Variants in SLC14A2 observed in about 807,000 individuals in gnomAD.
The protein encoded by SLC14A2 is urea transporter 2.
SLC14A2 carries 91 observed loss-of-function variants against 104.6 expected under a neutral mutation model. That is an observed-to-expected ratio of 0.87 (90% CI 0.73 to 1.04). The LOEUF (loss-of-function observed/expected upper bound fraction) is 1.04, where lower values mean the gene tolerates loss of function less well. Ranked by LOEUF, SLC14A2 falls within the 50% of genes least tolerant of loss-of-function variation. The pLI, the probability that SLC14A2 is intolerant of heterozygous loss-of-function variation, is 0.00. For synonymous variants in SLC14A2, 476 were observed against 466.4 expected (o/e 1.02, Z -0.27); for missense variants, 1,189 against 1,156.0 (o/e 1.03, Z -0.41).
chr18:45,193,042 T>C, the SLC14A2 span, among the ~76,000 whole-genome samples: 4 of 152,234 alleles, frequency 2.6e-5, no homozygotes, highest in African/African-American at 7.2e-5. Context: ...TTTTGTCTTC[T>C]TTGGTAAAAT....
In SLC14A2 at chr18:45,682,224, C is replaced by T. The variant is rs887553596; in HGVS notation, c.2563-95C>T. 34 of 1,077,498 alleles carry T rather than the reference C, an allele frequency of 3.2e-5. No individual in the cohort carries two copies. In the Admixed American group the frequency reaches 3.6e-4, roughly 11 times the overall value. The allele number at this position is 1,077,498 out of a possible 1,614,324, so 66.7% of individuals were successfully genotyped here. A position where few individuals can be genotyped will look rare whatever the true frequency, so the allele number is the denominator to read the frequency against. ...AGTATCAATGCCCTCAAAGCAGTCC[C>T]TCATGTCCCCAGGGCTGTAGGTGAT... On this transcript the variant is annotated intron_variant, in intron 19 of 19. Transcript: ENST00000255226.
the SLC14A2 span, among the ~76,000 whole-genome samples, chr18:45,187,042 A>G: frequency 4.6e-5 from 7 of 152,156 alleles, no homozygotes; most frequent in African/African-American, 1.7e-4. Context: ...GGTTTTCAGA[A>G]ATTACTGTTG....
chr18:45,654,845 G>C (rs772734434), intron 10 of SLC14A2, among the ~76,000 whole-genome samples: 1 of 152,104 alleles, frequency 6.6e-6, no homozygotes, highest in African/African-American at 2.4e-5. Flanking sequence ...GAGCCTTCTC[G>C]TTATTTGTCA....
Position 45,668,477 on chromosome 18 carries a change from G to C in SLC14A2, c.2036G>C (p.Cys679Ser), listed in dbSNP as rs780718414. The change falls in exon 15 of 20, where the codon TGC becomes TCC. Residue 679 changes from cysteine (C) to serine (S), a missense_variant and splice_region_variant. By Grantham distance (112) the Cys-to-Ser change is moderately radical (BLOSUM62 -1). Coordinates refer to ENST00000255226, the MANE Select transcript of SLC14A2 (RefSeq NM_007163.4). The part of the protein sequence containing the change: ...LLPVIIMSMS[C>S]PILSSALGTI... ...CCCGTCATCATCATGTCCATGTCTT[G>C]GTAAGTTTGCTTTTGAAGGGTTGTG... 6.2e-7 allele frequency: 1 copy of C among 1,614,060 alleles called. No individual in the cohort carries two copies. Among genetic ancestry groups the C allele is most frequent in the South Asian group, 1.1e-5 (1 of 91,074 alleles).
At chr18:45,583,354 A>C (rs1408814232) in intron 2 of SLC14A2, among the ~76,000 whole-genome samples, 2 of 152,168 alleles carry the variant, frequency 1.3e-5, no homozygotes, top group Admixed American at 1.3e-4. Flanking sequence ...CTGCCCCTGC[A>C]TCTCACCCTC....
chr18:45,479,793 G>A (rs1367046235), intron 1 of SLC14A2, among the ~76,000 whole-genome samples: 1 of 152,160 alleles, frequency 6.6e-6, no homozygotes, highest in Non-Finnish European at 1.5e-5. Context: ...GTTTTGGTAA[G>A]GAATGGAAAT....
chr18:45,568,815 C>A (rs979404815), intron 2 of SLC14A2, among the ~76,000 whole-genome samples: 1 of 152,144 alleles, frequency 6.6e-6, no homozygotes, highest in Non-Finnish European at 1.5e-5. Flanking sequence ...TGCAGCATAA[C>A]CTAACCTATC....
chr18:45,409,051 AC>A (rs1458504650), intron 1 of SLC14A2, among the ~76,000 whole-genome samples: 2 of 152,178 alleles, frequency 1.3e-5, no homozygotes, highest in East Asian at 3.9e-4. Context: ...TGTGTGTCAA[AC>A]ATTTGTCTGA....
chr18:45,412,473 A>G (rs1365145709), intron 1 of SLC14A2, among the ~76,000 whole-genome samples: 2 of 152,132 alleles, frequency 1.3e-5, no homozygotes, highest in Non-Finnish European at 2.9e-5. Context: ...TCTTGGCTCA[A>G]ACTGGGGACT....
intron 1 of SLC14A2, among the ~76,000 whole-genome samples, chr18:45,322,563 G>A (rs757586726): frequency 2.6e-5 from 4 of 152,118 alleles, no homozygotes; most frequent in African/African-American, 4.8e-5. Context: ...AGGTAGATTC[G>A]CAACACATCA....
At chr18:45,549,460 A>G (rs11877132) in intron 2 of SLC14A2, among the ~76,000 whole-genome samples, 16,940 of 152,264 alleles carry the variant, frequency 0.11, 1,019 homozygotes, top group East Asian at 0.19. Context: ...TTCCCCAGAC[A>G]GGAGACAGCT....
chr18:45,477,923 A>C (rs985582053), intron 1 of SLC14A2, among the ~76,000 whole-genome samples: 4 of 152,178 alleles, frequency 2.6e-5, no homozygotes, highest in Non-Finnish European at 5.9e-5. Flanking sequence ...GCTGGGCTCC[A>C]TAGGGGTGGG....
At chr18:45,660,812 A>C (rs1567998521) in intron 10 of SLC14A2, among the ~76,000 whole-genome samples, 1 of 152,240 alleles carries the variant, frequency 6.6e-6, no homozygotes, top group Non-Finnish European at 1.5e-5. Flanking sequence ...CCACGATGAA[A>C]GTCCTAAGAA....
chr18:45,223,066 G>A (rs980508788), intron 1 of SLC14A2, among the ~76,000 whole-genome samples: 1 of 152,172 alleles, frequency 6.6e-6, no homozygotes, highest in Admixed American at 6.5e-5. Flanking sequence ...TATATGCCAC[G>A]TACTCTATGC....
At chr18:45,557,775 C>T (rs2044151373) in intron 2 of SLC14A2, among the ~76,000 whole-genome samples, 1 of 152,126 alleles carries the variant, frequency 6.6e-6, no homozygotes, top group South Asian at 2.1e-4. Context: ...TTGCAAGGAG[C>T]CTAGCCATAG....
At chr18:45,369,966 A>G (rs2085705163) in intron 1 of SLC14A2, among the ~76,000 whole-genome samples, 1 of 152,174 alleles carries the variant, frequency 6.6e-6, no homozygotes, top group African/African-American at 2.4e-5. Context: ...GCATCCCTAG[A>G]CCAAACTGGA....
At chr18:45,400,888 CAGA>C (rs2086088647) in intron 1 of SLC14A2, among the ~76,000 whole-genome samples, 1 of 152,182 alleles carries the variant, frequency 6.6e-6, no homozygotes, top group Non-Finnish European at 1.5e-5. Context: ...TAGATTTGGC[CAGA>C]AGGAGCCCCT....
At chr18:45,588,376 G>T (rs1251455767) in intron 2 of SLC14A2, among the ~76,000 whole-genome samples, 1 of 152,166 alleles carries the variant, frequency 6.6e-6, no homozygotes, top group Non-Finnish European at 1.5e-5. Context: ...CTGTTTACAG[G>T]GGACTTGGCA....
At chr18:45,649,483 C>T (rs1308095917) in intron 10 of SLC14A2, among the ~76,000 whole-genome samples, 2 of 152,214 alleles carry the variant, frequency 1.3e-5, no homozygotes, top group Non-Finnish European at 2.9e-5. Context: ...CATACATTCC[C>T]AGCCATTCTA....
Sources: allele counts gnomAD v4.1 joint callset (sites outside exome capture counted in the v4.1 genomes callset), GRCh38; gene constraint gnomAD v4.1.1; transcripts MANE v1.5; gene names NCBI Gene and HGNC (gene_info 2026-07-23, HGNC 2026-07-21).